Variants in TMED3 observed in about 807,000 individuals in gnomAD.
TMED3 encodes the protein transmembrane emp24 domain-containing protein 3.
Under a neutral mutation model 15.0 loss-of-function variants are expected in TMED3, and 9 were observed. That is an observed-to-expected ratio of 0.60 (90% CI 0.36 to 1.04). TMED3 has a LOEUF of 1.04. TMED3 is among the 50% of genes least tolerant of loss of function. The pLI, the probability that TMED3 is intolerant of heterozygous loss-of-function variation, is 0.01. For missense variants in TMED3, 267 were observed against 278.9 expected, an observed-to-expected ratio of 0.96 and a Z score of 0.30; for synonymous variants, 117 against 121.4, an observed-to-expected ratio of 0.96 and a Z score of 0.24.
At chr15:79,338,926 G>C (rs1194598458) in intron 2 of TMED3, among the ~76,000 whole-genome samples, 1 of 152,086 alleles carries the variant, frequency 6.6e-6, no homozygotes, top group Non-Finnish European at 1.5e-5. Flanking sequence ...CCCTTTCCCC[G>C]GGGAATTTAG....
intron 2 of TMED3, among the ~76,000 whole-genome samples, chr15:79,386,289 T>G (rs1265129065): frequency 6.6e-6 from 1 of 152,238 alleles, no homozygotes; most frequent in African/African-American, 2.4e-5. Context: ...TGTTATGTGC[T>G]TTTGACCATA....
At chr15:79,399,634 G>A (rs1310585437) in intron 2 of TMED3, among the ~76,000 whole-genome samples, 2 of 152,166 alleles carry the variant, frequency 1.3e-5, no homozygotes, top group African/African-American at 2.4e-5. Context: ...GTAATGAAAG[G>A]TTTTAAGCAA....
At chr15:79,339,134 A>G (rs1742468584) in intron 2 of TMED3, among the ~76,000 whole-genome samples, 1 of 152,168 alleles carries the variant, frequency 6.6e-6, no homozygotes, top group Non-Finnish European at 1.5e-5. Context: ...AAAGTCTCTA[A>G]TAATGGTGTA....
chr15:79,324,572 T>A (rs992805970), downstream of TMED3, among the ~76,000 whole-genome samples: 10 of 152,226 alleles, frequency 6.6e-5, no homozygotes, highest in East Asian at 1.9e-4. Flanking sequence ...TGTAATTTTT[T>A]AAAAAGTAAT....
chr15:79,345,942 A>G (rs1567028729), intron 2 of TMED3, among the ~76,000 whole-genome samples: 1 of 152,184 alleles, frequency 6.6e-6, no homozygotes, highest in African/African-American at 2.4e-5. Context: ...GGCCACGTGT[A>G]TGCCTTCTTT....
chr15:79,399,559 G>C (rs1288047403), intron 2 of TMED3, among the ~76,000 whole-genome samples: 2 of 152,156 alleles, frequency 1.3e-5, no homozygotes, highest in Non-Finnish European at 2.9e-5. Context: ...CTAGAATGGT[G>C]GTCAGGAGCC....
intron 2 of TMED3, among the ~76,000 whole-genome samples, chr15:79,352,749 G>A (rs2058896273): frequency 7.1e-6 from 1 of 140,420 alleles, no homozygotes. Flanking sequence ...AGTTCTAATA[G>A]ATTTTTAGTT....
At chr15:79,410,698 G>GTA (rs71150909) in intron 2 of TMED3, among the ~76,000 whole-genome samples, 2,381 of 148,672 alleles carry the variant, frequency 0.016, 27 homozygotes, top group African/African-American at 0.038. Flanking sequence ...ATGTGTGTGT[G>GTA]TATATATATA....
At chr15:79,364,065 A>G (rs1249671450) in intron 2 of TMED3, among the ~76,000 whole-genome samples, 4 of 152,198 alleles carry the variant, frequency 2.6e-5, no homozygotes, top group African/African-American at 4.8e-5. Context: ...TGCGGACACC[A>G]TAGAGTGAGT....
At chr15:79,413,188 T>A (rs1595915428) in exon 3 of TMED3, 1 of 152,184 alleles carries the variant, frequency 6.6e-6, no homozygotes, top group East Asian at 1.9e-4. Flanking sequence ...ATGACCACAC[T>A]AGCTCTCCAG....
At chr15:79,413,484 A>C (rs1195657066) in exon 3 of TMED3, 1 of 152,250 alleles carries the variant, frequency 6.6e-6, no homozygotes, top group Non-Finnish European at 1.5e-5. Context: ...CCTTCAGTGA[A>C]ATTCTTGACT....
chr15:79,413,145 AAC>A (rs1894015839), exon 3 of TMED3: 1 of 152,252 alleles, frequency 6.6e-6, no homozygotes, highest in Admixed American at 6.5e-5. Context: ...GAACTCTGAA[AAC>A]ACAAAAAACT....
intron 2 of TMED3, among the ~76,000 whole-genome samples, chr15:79,387,504 A>G (rs534475332): frequency 1.7e-4 from 26 of 152,206 alleles, no homozygotes; most frequent in Non-Finnish European, 2.6e-4. Context: ...TGTCACTTTC[A>G]TGGGTGTCTT....
chr15:79,381,588 C>T (rs1331157306), intron 2 of TMED3, among the ~76,000 whole-genome samples: 1 of 152,202 alleles, frequency 6.6e-6, no homozygotes, highest in Non-Finnish European at 1.5e-5. Context: ...TGTTCCCCTG[C>T]CCAGTGGTGC....
chr15:79,370,748 T>C (rs1049776380), intron 2 of TMED3, among the ~76,000 whole-genome samples: 1 of 152,200 alleles, frequency 6.6e-6, no homozygotes, highest in East Asian at 1.9e-4. Flanking sequence ...GTGGATATAG[T>C]TTTGAGTCTG....
downstream of TMED3, among the ~76,000 whole-genome samples, chr15:79,324,060 G>A (rs1567023832): frequency 6.6e-6 from 1 of 151,972 alleles, no homozygotes; most frequent in East Asian, 1.9e-4. Flanking sequence ...GTGCAGTCTC[G>A]GCTCACAGCA....
intron 2 of TMED3, among the ~76,000 whole-genome samples, chr15:79,349,889 A>G (rs1567029550): frequency 6.6e-6 from 1 of 152,234 alleles, no homozygotes. Context: ...CTCACCTTTC[A>G]GAAAGCTTCT....
chr15:79,377,426 G>C (rs539543127), intron 2 of TMED3, among the ~76,000 whole-genome samples: 78 of 152,022 alleles, frequency 5.1e-4, no homozygotes, highest in Non-Finnish European at 9.9e-4. Context: ...AGTATGGAGA[G>C]TATTCAATAA....
intron 2 of TMED3, among the ~76,000 whole-genome samples, chr15:79,317,236 G>A (rs75228117): frequency 0.011 from 1,719 of 152,340 alleles, 24 homozygotes; most frequent in African/African-American, 0.039. Context: ...TTTCTGGCCT[G>A]TGTCGCTGGA....
Sources: gnomAD v4.1 joint callset for allele counts (sites outside exome capture counted in the v4.1 genomes callset) on GRCh38, gnomAD v4.1.1 for gene constraint, MANE v1.5 for transcripts, NCBI Gene and HGNC (gene_info 2026-07-23, HGNC 2026-07-21) for gene names.